Variants in KIAA1549L observed in about 807,000 individuals in gnomAD.
KIAA1549L encodes UPF0606 protein KIAA1549L.
KIAA1549L carries 88 observed loss-of-function variants against 160.7 expected under a neutral mutation model. The ratio of observed to expected loss-of-function variants is 0.55; its 90% CI spans 0.46 to 0.65. The LOEUF (loss-of-function observed/expected upper bound fraction) is 0.65, where lower values mean the gene tolerates loss of function less well. Among genes scored for constraint, KIAA1549L ranks in the 30% least tolerant of loss-of-function variants. The probability of loss-of-function intolerance (pLI) is 0.00; values close to 1 mark genes in which losing one functional copy is unlikely to be tolerated. For missense variants in KIAA1549L, 2,258 were observed against 2,437.5 expected (o/e 0.93, Z 1.55); for synonymous variants, 950 against 976.7 (o/e 0.97, Z 0.51).
chr11:33,395,732 G>T (rs1850360627), intron 1 of KIAA1549L, among the ~76,000 whole-genome samples: 1 of 151,966 alleles, frequency 6.6e-6, no homozygotes, highest in South Asian at 2.1e-4. Context: ...CTCAAGATAA[G>T]ATTTTTTTTT....
chr11:33,421,423 A>C (rs973241124), intron 1 of KIAA1549L, among the ~76,000 whole-genome samples: 3 of 152,214 alleles, frequency 2.0e-5, no homozygotes, highest in African/African-American at 7.2e-5. Flanking sequence ...GCCGTAGGCC[A>C]GCCGCATAGC....
chr11:33,396,304 C>G (rs1427433120), intron 1 of KIAA1549L, among the ~76,000 whole-genome samples: 4 of 152,140 alleles, frequency 2.6e-5, no homozygotes, highest in Non-Finnish European at 5.9e-5. Context: ...CAGATGCTGC[C>G]TGAATCCCTT....
At chr11:33,662,845 C>A (rs1409646863) in intron 20 of KIAA1549L, among the ~76,000 whole-genome samples, 1 of 152,152 alleles carries the variant, frequency 6.6e-6, no homozygotes, top group Non-Finnish European at 1.5e-5. Context: ...AGAAAGGAAC[C>A]AAGCAAATGG....
intron 1 of KIAA1549L, among the ~76,000 whole-genome samples, chr11:33,476,688 G>T (rs927888130): frequency 1.3e-5 from 2 of 152,078 alleles, no homozygotes; most frequent in South Asian, 2.1e-4. Flanking sequence ...TCTTCCAAGC[G>T]CATTGCCCCC....
intron 14 of KIAA1549L, 67 bp from the exon 15 acceptor site, chr11:33,609,681 TG>T: frequency 1.6e-6 from 2 of 1,261,764 alleles, no homozygotes; most frequent in Non-Finnish European, 2.3e-6. Context: ...GATAACCTCC[TG>T]GTGAAAGTCT....
intron 1 of KIAA1549L, among the ~76,000 whole-genome samples, chr11:33,489,212 G>A (rs1156676921): frequency 6.6e-6 from 1 of 152,188 alleles, no homozygotes; most frequent in African/African-American, 2.4e-5. Context: ...GAAAGTCCAA[G>A]ATCAGGGTGC....
At chr11:33,457,712 G>A (rs114136445) in intron 1 of KIAA1549L, among the ~76,000 whole-genome samples, 1,527 of 152,318 alleles carry the variant, frequency 0.01, 29 homozygotes, top group African/African-American at 0.035. Context: ...TGTGGGATCA[G>A]GGAATGGTCA....
chr11:33,517,714 G>A (rs1239876722), intron 1 of KIAA1549L, among the ~76,000 whole-genome samples: 1 of 152,146 alleles, frequency 6.6e-6, no homozygotes, highest in Non-Finnish European at 1.5e-5. Context: ...AGAGGACAGA[G>A]GAACATGTTG....
chr11:33,410,208 TATC>T (rs1380704277), intron 1 of KIAA1549L, among the ~76,000 whole-genome samples: 3 of 152,198 alleles, frequency 2.0e-5, no homozygotes, highest in Admixed American at 6.5e-5. Flanking sequence ...CAGAGAGATC[TATC>T]ACAGGCTTTG....
At chr11:33,418,442 C>T (rs1299753330) in intron 1 of KIAA1549L, among the ~76,000 whole-genome samples, 1 of 152,156 alleles carries the variant, frequency 6.6e-6, no homozygotes, top group East Asian at 1.9e-4. Context: ...AGGCCCTGTC[C>T]TCTTGGAAAG....
chr11:33,550,612 C>T (rs1382620004), intron 4 of KIAA1549L, among the ~76,000 whole-genome samples: 1 of 152,126 alleles, frequency 6.6e-6, no homozygotes, highest in Non-Finnish European at 1.5e-5. Flanking sequence ...TGACCGGTGC[C>T]CCCAAGGTTC....
intron 10 of KIAA1549L, among the ~76,000 whole-genome samples, chr11:33,582,263 A>G (rs1855669901): frequency 6.6e-6 from 1 of 152,224 alleles, no homozygotes; most frequent in Non-Finnish European, 1.5e-5. Context: ...AATGAGAGGT[A>G]GATCTTGGCT....
rs375270625 is a variant in KIAA1549L at position 33,457,465 on chromosome 11, G to A, written c.238+80576G>A. ...AGCATCTGGACCTCTCAGCCAGGAA[G>A]AGGCCTAATTTGACAGGCTTCTCAG... On this transcript the variant is annotated intron_variant, in intron 1 of 20. Transcript: ENST00000658780. 5.3e-5 allele frequency among the ~76,000 whole-genome samples: 8 copies of A among 152,352 alleles called. No homozygotes were observed. In the East Asian group the frequency reaches 1.2e-3, roughly 22 times the overall value.
intron 1 of KIAA1549L, among the ~76,000 whole-genome samples, chr11:33,449,597 C>T (rs978135582): frequency 1.3e-5 from 2 of 152,124 alleles, no homozygotes; most frequent in African/African-American, 4.8e-5. Flanking sequence ...CCCTGTTTTG[C>T]GCTGGTACAT....
At chr11:33,607,315 G>C (rs1850532515) in intron 14 of KIAA1549L, among the ~76,000 whole-genome samples, 1 of 152,044 alleles carries the variant, frequency 6.6e-6, no homozygotes, top group African/African-American at 2.4e-5. Flanking sequence ...CTCATTGGCT[G>C]CTTCCAGAAA....
At chr11:33,576,798 G>A (rs1855463817) in intron 10 of KIAA1549L, among the ~76,000 whole-genome samples, 2 of 152,184 alleles carry the variant, frequency 1.3e-5, no homozygotes, top group African/African-American at 4.8e-5. Flanking sequence ...TGCAGAAGGT[G>A]CAGGTCAAAG....
chr11:33,517,025 T>C lies in KIAA1549L; in HGVS notation c.239-24777T>C, dbSNP rs76301376. On this transcript the variant is annotated intron_variant, in intron 1 of 20. Coordinates refer to ENST00000658780, the MANE Select transcript of KIAA1549L (RefSeq NM_012194.3). ...GCATCTTCAATTCACGTTTCTCATT[T>C]ATTTTTACAAATGACACAGCTTTGG... is the stretch of plus-strand genomic sequence containing the variant. 7.8e-3 allele frequency among the ~76,000 whole-genome samples: 1,186 copies of C among 152,378 alleles called. 8 individuals are homozygous for C. The highest frequency in any genetic ancestry group is 0.013 in the Non-Finnish European group (896 of 68,046).
At chr11:33,585,139 G>A (rs1392288126) in intron 11 of KIAA1549L, among the ~76,000 whole-genome samples, 1 of 152,196 alleles carries the variant, frequency 6.6e-6, no homozygotes, top group Non-Finnish European at 1.5e-5. Context: ...TGACACAAAG[G>A]CACCTGCTTC....
chr11:33,477,505 A>ACG (rs1028187570), intron 1 of KIAA1549L, among the ~76,000 whole-genome samples: 4 of 143,104 alleles, frequency 2.8e-5, no homozygotes, highest in African/African-American at 8.5e-5. Flanking sequence ...ACGCAGGTGC[A>ACG]CGCACACACA....
Sources: allele counts gnomAD v4.1 joint callset (sites outside exome capture counted in the v4.1 genomes callset), GRCh38; gene constraint gnomAD v4.1.1; transcripts MANE v1.5; gene names NCBI Gene and HGNC (gene_info 2026-07-23, HGNC 2026-07-21).